The following APBB2 variants were observed in gnomAD, a reference collection of about 807,000 sequenced individuals.
The protein encoded by APBB2 is Fe65-like 1.
APBB2 carries 38 observed loss-of-function variants against 82.5 expected under a neutral mutation model. The ratio of observed to expected loss-of-function variants is 0.46; its 90% CI spans 0.36 to 0.60. The LOEUF (loss-of-function observed/expected upper bound fraction) is 0.60, where lower values mean the gene tolerates loss of function less well. Ranked by LOEUF, APBB2 falls within the 20% of genes least tolerant of loss-of-function variation. APBB2 has a pLI of 0.00. For missense variants in APBB2, 772 were observed against 972.3 expected, an observed-to-expected ratio of 0.79 and a Z score of 2.74; for synonymous variants, 341 against 368.2, an observed-to-expected ratio of 0.93 and a Z score of 0.85.
intron 1 of APBB2, among the ~76,000 whole-genome samples, chr4:41,155,935 T>G (rs1763338526): frequency 6.6e-6 from 1 of 152,188 alleles, no homozygotes; most frequent in African/African-American, 2.4e-5. Context: ...GGTCGTATCT[T>G]ATTTTTCCCC....
intron 10 of APBB2, among the ~76,000 whole-genome samples, chr4:40,909,988 A>G (rs1778103947): frequency 6.6e-6 from 1 of 152,196 alleles, no homozygotes; most frequent in African/African-American, 2.4e-5. Flanking sequence ...TAATGTCACA[A>G]TGTAAATAAA....
intron 1 of APBB2, among the ~76,000 whole-genome samples, chr4:41,212,067 T>C (rs1186629886): frequency 6.6e-6 from 1 of 152,192 alleles, no homozygotes; most frequent in Admixed American, 6.5e-5. Context: ...ACATCATTAT[T>C]CTAATATTAT....
intron 10 of APBB2, among the ~76,000 whole-genome samples, chr4:40,915,060 C>T (rs1032395059): frequency 6.6e-6 from 1 of 152,196 alleles, no homozygotes; most frequent in African/African-American, 2.4e-5. Context: ...AGGACATTGC[C>T]TGCTGTGAAA....
intron 1 of APBB2, among the ~76,000 whole-genome samples, chr4:41,201,851 A>G (rs1451456383): frequency 6.6e-6 from 1 of 152,200 alleles, no homozygotes; most frequent in Non-Finnish European, 1.5e-5. Flanking sequence ...CAAGTCAGTA[A>G]TATACACGGC....
chr4:40,901,011 T>C (rs1044641447), intron 10 of APBB2, among the ~76,000 whole-genome samples: 11 of 152,148 alleles, frequency 7.2e-5, no homozygotes, highest in African/African-American at 2.2e-4. Context: ...TCTGTGGACA[T>C]GGATCAAGAA....
At chr4:41,097,254 A>G (rs1433070471) in intron 3 of APBB2, among the ~76,000 whole-genome samples, 1 of 152,206 alleles carries the variant, frequency 6.6e-6, no homozygotes, top group Admixed American at 6.5e-5. Context: ...AGCTTTATAT[A>G]CAGCACCTGT....
intron 2 of APBB2, among the ~76,000 whole-genome samples, chr4:41,136,545 C>T (rs1363226166): frequency 6.6e-6 from 1 of 152,148 alleles, no homozygotes; most frequent in African/African-American, 2.4e-5. Flanking sequence ...ATGTCAGTTG[C>T]CATCAAGCTG....
chr4:40,877,521 A>G (rs908442419), intron 12 of APBB2, among the ~76,000 whole-genome samples: 3 of 152,178 alleles, frequency 2.0e-5, no homozygotes, highest in African/African-American at 7.2e-5. Context: ...GATACTTTCA[A>G]TCTGAACTAA....
At chr4:41,184,127 A>G (rs1772207934) in intron 1 of APBB2, among the ~76,000 whole-genome samples, 4 of 152,030 alleles carry the variant, frequency 2.6e-5, no homozygotes, top group African/African-American at 7.2e-5. Context: ...ATCTAAGGCC[A>G]CCACTGATCT....
chr4:41,103,068 G>T (rs979985343), intron 2 of APBB2, among the ~76,000 whole-genome samples: 8 of 152,144 alleles, frequency 5.3e-5, no homozygotes, highest in Admixed American at 2.0e-4. Context: ...TATCCAGAAG[G>T]GGTGAAATTG....
chr4:40,961,947 C>T (rs553061349), intron 6 of APBB2, among the ~76,000 whole-genome samples: 4 of 152,302 alleles, frequency 2.6e-5, no homozygotes, highest in African/African-American at 9.6e-5. Flanking sequence ...AAGCAACATC[C>T]AGTCATTAAT....
intron 5 of APBB2, among the ~76,000 whole-genome samples, chr4:41,020,251 AAATCCTT>A (rs981253009): frequency 2.0e-5 from 3 of 152,222 alleles, no homozygotes; most frequent in Non-Finnish European, 4.4e-5. Flanking sequence ...TTCCTATCAA[AAATCCTT>A]AACCCTGCAG....
chr4:40,891,516 T>G (rs1163438149), intron 11 of APBB2, among the ~76,000 whole-genome samples: 1 of 152,190 alleles, frequency 6.6e-6, no homozygotes, highest in African/African-American at 2.4e-5. Context: ...TGCTTTCTGG[T>G]ATAGTTTTGG....
At chr4:41,014,778 T>C (rs575616867) in intron 5 of APBB2, among the ~76,000 whole-genome samples, 2 of 152,370 alleles carry the variant, frequency 1.3e-5, no homozygotes, top group Admixed American at 6.5e-5. Context: ...TTTTATTCTT[T>C]GGTTCCTTCA....
At chr4:41,000,073 G>GTA (rs1194736264) in intron 6 of APBB2, among the ~76,000 whole-genome samples, 3 of 95,444 alleles carry the variant, frequency 3.1e-5, no homozygotes, top group East Asian at 6.8e-4. Context: ...GTGTGTATGT[G>GTA]TGTGTGTGTG....
chr4:40,870,627 G>A (rs1409015554), intron 12 of APBB2, among the ~76,000 whole-genome samples: 2 of 152,100 alleles, frequency 1.3e-5, no homozygotes, highest in African/African-American at 4.8e-5. Context: ...CCTAACTGTA[G>A]AAGGCTGAAA....
chr4:40,825,189 C>T (rs537549983), intron 15 of APBB2, among the ~76,000 whole-genome samples: 4 of 152,334 alleles, frequency 2.6e-5, no homozygotes, highest in African/African-American at 7.2e-5. Context: ...TTTGCATACA[C>T]GTTTTTGCAT....
intron 5 of APBB2, among the ~76,000 whole-genome samples, chr4:41,027,364 C>CACACATATATATAT (rs1231769191): frequency 7.1e-5 from 9 of 127,414 alleles, no homozygotes; most frequent in African/African-American, 2.6e-4. Flanking sequence ...CATATTGTTA[C>CACACATATATATAT]ATATATATAT....
intron 15 of APBB2, among the ~76,000 whole-genome samples, chr4:40,824,476 C>T (rs550184414): frequency 2.6e-5 from 4 of 152,244 alleles, no homozygotes; most frequent in Admixed American, 6.5e-5. Context: ...ATTCACAGAG[C>T]GCACCCATCA....
Sources: allele counts gnomAD v4.1 joint callset (sites outside exome capture counted in the v4.1 genomes callset), GRCh38; gene constraint gnomAD v4.1.1; transcripts MANE v1.5; gene names NCBI Gene and HGNC (gene_info 2026-07-23, HGNC 2026-07-21).